The following LRRTM4 variants were observed in gnomAD, a reference collection of about 807,000 sequenced individuals.
The protein encoded by LRRTM4 is leucine-rich repeat transmembrane neuronal protein 4.
A neutral mutation model predicts 47.6 loss-of-function variants in LRRTM4; 25 were observed. The observed-to-expected ratio is 0.53, with a 90% CI of 0.38 to 0.73. LRRTM4 has a LOEUF of 0.73. LRRTM4 is among the 30% of genes least tolerant of loss of function. The pLI, the probability that LRRTM4 is intolerant of heterozygous loss-of-function variation, is 0.00. For missense variants in LRRTM4, 638 were observed against 713.4 expected (o/e 0.89, Z 1.20); for synonymous variants, 311 against 269.5 (o/e 1.15, Z -1.51).
At chr2:76,845,375 C>T (rs1368603325) in intron 3 of LRRTM4, among the ~76,000 whole-genome samples, 1 of 152,014 alleles carries the variant, frequency 6.6e-6, no homozygotes, top group Non-Finnish European at 1.5e-5. Flanking sequence ...ACCTGTAGTC[C>T]CAGCTACTTG....
intron 3 of LRRTM4, among the ~76,000 whole-genome samples, chr2:77,065,126 C>T (rs1679912311): frequency 6.6e-6 from 1 of 152,034 alleles, no homozygotes. Context: ...AATTCATAAG[C>T]ATTATTTCAT....
chr2:77,485,121 A>G (rs896753161), intron 3 of LRRTM4, among the ~76,000 whole-genome samples: 21 of 152,182 alleles, frequency 1.4e-4, no homozygotes, highest in African/African-American at 4.8e-4. Flanking sequence ...ACAATTTTCC[A>G]TGTGTCTGAT....
At chr2:77,074,408 C>T (rs1680265179) in intron 3 of LRRTM4, among the ~76,000 whole-genome samples, 2 of 152,060 alleles carry the variant, frequency 1.3e-5, no homozygotes. Context: ...TTGAAACTGA[C>T]TTTATCATTT....
At chr2:76,989,633 C>T (rs1676933222) in intron 3 of LRRTM4, among the ~76,000 whole-genome samples, 1 of 151,722 alleles carries the variant, frequency 6.6e-6, no homozygotes, top group African/African-American at 2.4e-5. Context: ...CTTAATCTCC[C>T]TAATCTCAGT....
chr2:77,232,977 T>C (rs1232387423), intron 3 of LRRTM4, among the ~76,000 whole-genome samples: 1 of 152,188 alleles, frequency 6.6e-6, no homozygotes, highest in Non-Finnish European at 1.5e-5. Flanking sequence ...AAAAAAATCT[T>C]TAAAAGAAAA....
chr2:77,486,930 G>GA (rs373820648), intron 3 of LRRTM4, among the ~76,000 whole-genome samples: 3 of 152,098 alleles, frequency 2.0e-5, no homozygotes, highest in African/African-American at 7.2e-5. Context: ...ATTACATGCA[G>GA]AAAAAAACGC....
At chr2:77,435,171 C>T (rs920513995) in intron 3 of LRRTM4, among the ~76,000 whole-genome samples, 3 of 151,726 alleles carry the variant, frequency 2.0e-5, no homozygotes, top group Non-Finnish European at 4.4e-5. Context: ...GCAAAAGAGC[C>T]CCTGGTTGAG....
chr2:77,274,274 G>C (rs1676282020), intron 3 of LRRTM4, among the ~76,000 whole-genome samples: 1 of 152,096 alleles, frequency 6.6e-6, no homozygotes, highest in African/African-American at 2.4e-5. Flanking sequence ...ATCCAGATGA[G>C]ATAAAACCCA....
intron 3 of LRRTM4, among the ~76,000 whole-genome samples, chr2:77,446,491 T>C (rs564041169): frequency 4.9e-4 from 75 of 152,208 alleles, no homozygotes; most frequent in African/African-American, 1.7e-3. Context: ...ATATTGAATA[T>C]TAACAGAATA....
chr2:76,787,167 T>A (rs992768015), intron 3 of LRRTM4, among the ~76,000 whole-genome samples: 2 of 151,886 alleles, frequency 1.3e-5, no homozygotes, highest in Admixed American at 1.3e-4. Flanking sequence ...AGAAAATACA[T>A]CTCTAATGGA....
chr2:76,916,473 GC>G, intron 3 of LRRTM4, among the ~76,000 whole-genome samples: 1 of 151,108 alleles, frequency 6.6e-6, no homozygotes, highest in Non-Finnish European at 1.5e-5. Flanking sequence ...TCATGTCCAT[GC>G]TTTTTAAGTT....
At chr2:77,293,439 C>T (rs1416703464) in intron 3 of LRRTM4, among the ~76,000 whole-genome samples, 2 of 152,028 alleles carry the variant, frequency 1.3e-5, no homozygotes, top group African/African-American at 4.8e-5. Flanking sequence ...TTCCAGAAAT[C>T]CCTATAACGG....
chr2:77,272,222 G>A (rs1413200895), intron 3 of LRRTM4, among the ~76,000 whole-genome samples: 1 of 152,038 alleles, frequency 6.6e-6, no homozygotes, highest in Non-Finnish European at 1.5e-5. Flanking sequence ...GATAAACCTT[G>A]CCATTTGTGA....
At chr2:77,504,549 C>T (rs571369839) in intron 3 of LRRTM4, among the ~76,000 whole-genome samples, 1 of 151,404 alleles carries the variant, frequency 6.6e-6, no homozygotes, top group Admixed American at 6.6e-5. Flanking sequence ...TAATTCTCTA[C>T]TAGTTCTTTG....
intron 3 of LRRTM4, among the ~76,000 whole-genome samples, chr2:76,998,331 G>A (rs567883308): frequency 1.3e-5 from 2 of 152,100 alleles, no homozygotes; most frequent in Non-Finnish European, 2.9e-5. Context: ...AGTCTAACTA[G>A]AGAGCTGAGG....
intron 3 of LRRTM4, among the ~76,000 whole-genome samples, chr2:76,816,569 A>AT (rs1241904851): frequency 1.3e-5 from 2 of 151,332 alleles, no homozygotes; most frequent in African/African-American, 4.8e-5. Flanking sequence ...TTATTTTTTT[A>AT]TTTTTTTTGG....
intron 3 of LRRTM4, among the ~76,000 whole-genome samples, chr2:77,106,891 A>T (rs1671107045): frequency 6.6e-6 from 1 of 152,016 alleles, no homozygotes; most frequent in South Asian, 2.1e-4. Context: ...GGTCAAGGAA[A>T]GAAAAAGATT....
At chr2:76,977,028 T>C (rs1273756050) in intron 3 of LRRTM4, among the ~76,000 whole-genome samples, 1 of 151,750 alleles carries the variant, frequency 6.6e-6, no homozygotes, top group Non-Finnish European at 1.5e-5. Context: ...TTTGTGTGTG[T>C]TTACATGTGT....
chr2:77,411,123 C>A (rs1674403837), intron 3 of LRRTM4, among the ~76,000 whole-genome samples: 1 of 152,106 alleles, frequency 6.6e-6, no homozygotes, highest in Non-Finnish European at 1.5e-5. Flanking sequence ...TTGAAGAGAA[C>A]ATTCAGGAAA....
Sources: allele counts gnomAD v4.1 joint callset (sites outside exome capture counted in the v4.1 genomes callset), GRCh38; gene constraint gnomAD v4.1.1; transcripts MANE v1.5; gene names NCBI Gene and HGNC (gene_info 2026-07-23, HGNC 2026-07-21).